OSBP2: variants seen among roughly 807,000 people sequenced by gnomAD.
OSBP2 encodes oxysterol binding protein 2.
Under a neutral mutation model 96.0 loss-of-function variants are expected in OSBP2, and 66 were observed. The ratio of observed to expected loss-of-function variants is 0.69; its 90% confidence interval spans 0.56 to 0.84. OSBP2 has a LOEUF of 0.84. Ranked by LOEUF, OSBP2 falls within the 40% of genes least tolerant of loss-of-function variation. OSBP2 has a pLI of 0.00. For missense variants in OSBP2, 1,038 were observed against 1,222.7 expected (o/e 0.85, Z 2.25); for synonymous variants, 525 against 520.9 (o/e 1.01, Z -0.11).
intron 2 of OSBP2, among the ~76,000 whole-genome samples, chr22:30,785,659 T>C (rs138523720): frequency 7.2e-5 from 11 of 152,296 alleles, no homozygotes; most frequent in African/African-American, 2.6e-4. Context: ...GATTTGGCTC[T>C]ATATCCCCAC....
chr22:30,733,605 A>G (rs1038203507), intron 1 of OSBP2, among the ~76,000 whole-genome samples: 11 of 152,302 alleles, frequency 7.2e-5, no homozygotes, highest in African/African-American at 2.6e-4. Context: ...CTTGGCTTAA[A>G]TGGAGGAGAG....
At position 30,695,504 on chromosome 22, in the gene OSBP2, T is replaced by A. The variant is rs2089011827; in HGVS notation, c.595T>A (p.Tyr199Asn). The change falls in exon 1 of 14, where the codon TAC (tyrosine) becomes AAC (asparagine). Residue 199 changes from tyrosine to asparagine, a missense_variant. Physicochemically the swap from Tyr to Asn is moderately radical, Grantham distance 143. This residue lies in a region of OSBP2 where 281 missense variants were observed against 273.4 expected (regional missense o/e 1.03). Transcript: ENST00000332585. ...LLKWTNYLKG[Y>N]QRRWFVLGNG... ...CAAGTGGACCAACTATCTGAAGGGC[T>A]ACCAGCGCCGCTGGTTCGTGCTGGG... 1.6e-5 allele frequency: 25 copies of A among 1,612,780 alleles called. No homozygotes were observed. The highest frequency in any genetic ancestry group is 2.1e-5 in the Non-Finnish European group (25 of 1,180,010).
At chr22:30,887,395 G>C in intron 3 of OSBP2, 31 bp from the exon 4 acceptor site, 3 of 1,592,140 alleles carry the variant, frequency 1.9e-6, no homozygotes, top group Non-Finnish European at 2.6e-6. Context: ...CCAGAGGCCA[G>C]GGTCTCATAC....
chr22:30,744,675 C>T (rs1224776247), intron 2 of OSBP2, among the ~76,000 whole-genome samples: 1 of 152,030 alleles, frequency 6.6e-6, no homozygotes, highest in South Asian at 2.1e-4. Context: ...GCAGGAGAAT[C>T]GCTTGAACCC....
chr22:30,891,101 T>C, intron 8 of OSBP2, 128 bp downstream of exon 8: 1 of 1,194,812 alleles, frequency 8.4e-7, no homozygotes, highest in Non-Finnish European at 1.2e-6. Context: ...CAAGGGGCCA[T>C]CAAGCTGAGG....
At chr22:30,710,871 A>G (rs947296425) in intron 1 of OSBP2, among the ~76,000 whole-genome samples, 2 of 151,586 alleles carry the variant, frequency 1.3e-5, no homozygotes, top group Non-Finnish European at 2.9e-5. Flanking sequence ...TCGGCCTCCC[A>G]AAGTGCTGGG....
rs2088998848 is a variant in OSBP2, at chr22:30,694,983, C to T, written c.74C>T (p.Thr25Met). ...TCCCGCGGGCTCTCGTCGCTGTTCA[C>T]GGTTGTCCCCTGCCTGTCGTGCCAC... is the stretch of plus-strand genomic sequence containing the variant. ...GRSRGLSSLF[T>M]VVPCLSCHTA... Residue 25 changes from threonine (T) to methionine (M), a missense_variant, in exon 1 of 14, where the codon ACG becomes ATG. Thr to Met is a moderately conservative substitution (Grantham distance 81, BLOSUM62 -1). Around this residue, in one of 3 missense-constraint regions of OSBP2, gnomAD observed 281 missense variants for 273.4 expected, o/e 1.03. Transcript: ENST00000332585. 6.5e-7 allele frequency: 1 copy of T among 1,549,786 alleles called. No individual in the cohort carries two copies. The highest frequency in any genetic ancestry group is 8.7e-7 in the Non-Finnish European group (1 of 1,153,598).
chr22:30,805,016 C>A (rs1004485443), intron 2 of OSBP2, among the ~76,000 whole-genome samples: 3 of 152,154 alleles, frequency 2.0e-5, no homozygotes, highest in Non-Finnish European at 4.4e-5. Context: ...ATCTATCTAT[C>A]TATATATATT....
At chr22:30,694,457 G>C, upstream of OSBP2, 1 of 1,351,916 alleles carries the variant, frequency 7.4e-7, no homozygotes, top group Non-Finnish European at 9.8e-7. Context: ...GGCTTTCCTG[G>C]GTGGCGGAGA....
intron 1 of OSBP2, among the ~76,000 whole-genome samples, chr22:30,730,766 CTCTCTCTCTATATA>C (rs1274893113): frequency 8.1e-5 from 3 of 36,890 alleles, no homozygotes; most frequent in African/African-American, 3.1e-4. Context: ...CTCTCTCTCT[CTCTCTCTCTATATA>C]TATATATATA....
At chr22:30,902,087 G>A (rs993659041) in intron 12 of OSBP2, 11 of 390,328 alleles carry the variant, frequency 2.8e-5, no homozygotes, top group Admixed American at 1.4e-4. Context: ...ATGAAGCAAC[G>A]TAGGTAAATC....
chr22:30,806,151 C>G (rs1426610954), intron 2 of OSBP2, among the ~76,000 whole-genome samples: 1 of 152,202 alleles, frequency 6.6e-6, no homozygotes, highest in Non-Finnish European at 1.5e-5. Context: ...AATGAAGAGA[C>G]TGAGGCTCAG....
At chr22:30,772,223 C>T (rs1339632096) in intron 2 of OSBP2, among the ~76,000 whole-genome samples, 1 of 152,168 alleles carries the variant, frequency 6.6e-6, no homozygotes, top group East Asian at 1.9e-4. Flanking sequence ...GTTTTAGTGA[C>T]TGAGTGGTGG....
chr22:30,694,003 T>G, upstream of OSBP2: 1 of 1,447,146 alleles, frequency 6.9e-7, no homozygotes, highest in Non-Finnish European at 9.3e-7. Context: ...AAAAATTCGC[T>G]GATGTTTTAA....
intron 12 of OSBP2, among the ~76,000 whole-genome samples, chr22:30,899,087 A>G (rs1158102864): frequency 6.6e-6 from 1 of 152,064 alleles, no homozygotes; most frequent in Non-Finnish European, 1.5e-5. Context: ...AAATATAACA[A>G]GAACTAACTC....
rs1228695764 is a variant in OSBP2 at position 30,905,084 on chromosome 22, C to T, written c.2376-753C>T. 2.7e-5 allele frequency among the ~76,000 whole-genome samples: 4 copies of T among 145,706 alleles called. 1 individual carries two copies. The South Asian group carries it at 6.7e-4, about 24-fold the overall frequency. ...CCCAGGAGGCGGAGGTTGCAGTGAGCGAAGCATCAGGCCACTTCACTCCAG... is the reference window on the plus strand; with the variant it reads ...CCCAGGAGGCGGAGGTTGCAGTGAGTGAAGCATCAGGCCACTTCACTCCAG... On this transcript the variant is annotated intron_variant, in intron 12 of 13. Coordinates refer to ENST00000332585, the MANE Select transcript of OSBP2 (RefSeq NM_030758.4).
intron 1 of OSBP2, among the ~76,000 whole-genome samples, chr22:30,713,793 A>G (rs1311413055): frequency 6.6e-6 from 1 of 152,170 alleles, no homozygotes; most frequent in African/African-American, 2.4e-5. Flanking sequence ...CATCATAATT[A>G]TATGTATTTT....
At chr22:30,744,676 G>A (rs769652875) in intron 2 of OSBP2, among the ~76,000 whole-genome samples, 4 of 152,152 alleles carry the variant, frequency 2.6e-5, no homozygotes, top group South Asian at 4.2e-4. Context: ...CAGGAGAATC[G>A]CTTGAACCCT....
chr22:30,877,250 T>C (rs1317607518), intron 3 of OSBP2, among the ~76,000 whole-genome samples: 2 of 152,162 alleles, frequency 1.3e-5, no homozygotes, highest in Non-Finnish European at 2.9e-5. Flanking sequence ...GGGTAATTTT[T>C]TTTGACTCTG....
Sources: gnomAD v4.1 joint callset for allele counts (sites outside exome capture counted in the v4.1 genomes callset) on GRCh38, gnomAD v4.1.1 for gene constraint, gnomAD v4.1.1 regional missense constraint, MANE v1.5 for transcripts, NCBI Gene and HGNC (gene_info 2026-07-23, HGNC 2026-07-21) for gene names.